NKAIN2: variants seen among roughly 807,000 people sequenced by gnomAD.
The protein encoded by NKAIN2 is sodium/potassium transporting ATPase interacting 2.
Under a neutral mutation model 32.6 loss-of-function variants are expected in NKAIN2, and 14 were observed. The ratio of observed to expected loss-of-function variants is 0.43; its 90% confidence interval spans 0.28 to 0.67. The LOEUF (loss-of-function observed/expected upper bound fraction) is 0.67, where lower values mean the gene tolerates loss of function less well. Ranked by LOEUF, NKAIN2 falls within the 30% of genes least tolerant of loss-of-function variation. The pLI, the probability that NKAIN2 is intolerant of heterozygous loss-of-function variation, is 0.17. For synonymous variants in NKAIN2, 80 were observed against 87.2 expected (o/e 0.92, Z 0.46); for missense variants, 198 against 258.3 (o/e 0.77, Z 1.60).
At chr6:124,317,052 C>G (rs954326754) in intron 2 of NKAIN2, among the ~76,000 whole-genome samples, 15 of 152,068 alleles carry the variant, frequency 9.9e-5, no homozygotes, top group African/African-American at 3.4e-4. Context: ...ATAGTCCCAG[C>G]TGCTCTGGAG....
At chr6:124,731,991 C>A (rs1429312547) in intron 4 of NKAIN2, among the ~76,000 whole-genome samples, 1 of 152,048 alleles carries the variant, frequency 6.6e-6, no homozygotes, top group East Asian at 1.9e-4. Flanking sequence ...ATAAATGGAT[C>A]TCAGGCAAGA....
intron 2 of NKAIN2, among the ~76,000 whole-genome samples, chr6:124,310,786 A>G (rs17051651): frequency 0.013 from 1,954 of 152,224 alleles, 41 homozygotes; most frequent in African/African-American, 0.044. Context: ...TTGACCAGAT[A>G]TGTTCAGAAT....
intron 3 of NKAIN2, among the ~76,000 whole-genome samples, chr6:124,486,218 G>A (rs553867104): frequency 1.3e-5 from 2 of 152,244 alleles, no homozygotes; most frequent in South Asian, 2.1e-4. Context: ...TGAAAGAAAC[G>A]TGACGTCTGT....
intron 2 of NKAIN2, among the ~76,000 whole-genome samples, chr6:124,301,600 C>G (rs1374733080): frequency 6.6e-6 from 1 of 152,200 alleles, no homozygotes; most frequent in African/African-American, 2.4e-5. Flanking sequence ...TGCAAAGCCA[C>G]AGGGTCAGAG....
intron 3 of NKAIN2, among the ~76,000 whole-genome samples, chr6:124,534,311 C>T (rs1396481315): frequency 6.6e-6 from 1 of 152,018 alleles, no homozygotes; most frequent in African/African-American, 2.4e-5. Flanking sequence ...CCACCACAAC[C>T]AGCTAATTGT....
chr6:123,869,780 G>T (rs953073861), intron 1 of NKAIN2, among the ~76,000 whole-genome samples: 1 of 152,132 alleles, frequency 6.6e-6, no homozygotes, highest in Non-Finnish European at 1.5e-5. Context: ...TTTACTTATG[G>T]TTGGTTATCA....
chr6:124,315,399 G>A (rs923254859), intron 2 of NKAIN2, among the ~76,000 whole-genome samples: 1 of 151,976 alleles, frequency 6.6e-6, no homozygotes, highest in African/African-American at 2.4e-5. Flanking sequence ...GGTAGTGAAT[G>A]CACTTTAAAA....
In NKAIN2 at chr6:123,836,658, CATT is replaced by C. The variant is rs2114925540; in HGVS notation, c.54+32406_54+32408del. The stretch of plus-strand genomic sequence containing the variant: ...ATCCTGGACCAAAAAAAAAAGGTGA[CATT>C]AGTGGAAAACACGGTGAAATCTGAA... On this transcript the variant is annotated intron_variant, in intron 1 of 6. Coordinates refer to ENST00000368417, the MANE Select transcript of NKAIN2 (RefSeq NM_001040214.3). Among the ~76,000 whole-genome samples, 3 of 150,698 alleles carry C rather than the reference CATT, an allele frequency of 2.0e-5. No homozygotes were observed. The South Asian group carries it at 6.3e-4, about 32-fold the overall frequency.
chr6:124,800,932 G>A (rs974411345), intron 5 of NKAIN2, among the ~76,000 whole-genome samples: 7 of 152,124 alleles, frequency 4.6e-5, no homozygotes, highest in African/African-American at 1.7e-4. Context: ...ATGAAAATTG[G>A]ATATGGATTG....
chr6:124,260,588 G>A (rs1235353549), intron 1 of NKAIN2, among the ~76,000 whole-genome samples: 5 of 152,166 alleles, frequency 3.3e-5, no homozygotes, highest in Non-Finnish European at 7.3e-5. Flanking sequence ...AGAGGTACAG[G>A]AGAGAAGGGG....
chr6:124,654,172 A>G (rs942960253), intron 3 of NKAIN2, among the ~76,000 whole-genome samples: 3 of 152,192 alleles, frequency 2.0e-5, no homozygotes, highest in African/African-American at 7.2e-5. Flanking sequence ...AAATACTTAA[A>G]GAAACAGTTA....
chr6:124,419,628 A>G (rs190440811), intron 3 of NKAIN2, among the ~76,000 whole-genome samples: 49 of 152,270 alleles, frequency 3.2e-4, no homozygotes, highest in African/African-American at 1.2e-3. Context: ...GAAAGCAACA[A>G]GTTCATAGTC....
chr6:124,655,834 A>C (rs1391289787), intron 3 of NKAIN2, among the ~76,000 whole-genome samples: 1 of 152,320 alleles, frequency 6.6e-6, no homozygotes, highest in African/African-American at 2.4e-5. Flanking sequence ...CCAAGTTCTA[A>C]GTCTCAGAAA....
intron 1 of NKAIN2, among the ~76,000 whole-genome samples, chr6:123,912,728 T>C (rs1389307576): frequency 6.6e-6 from 1 of 152,154 alleles, no homozygotes; most frequent in Non-Finnish European, 1.5e-5. Context: ...TCACCAGAAG[T>C]AGATGCTGGC....
At chr6:124,271,505 C>CGGT (rs1192975750) in intron 1 of NKAIN2, among the ~76,000 whole-genome samples, 1 of 152,180 alleles carries the variant, frequency 6.6e-6, no homozygotes, top group Non-Finnish European at 1.5e-5. Context: ...CGTGAGCCAC[C>CGGT]ATACCCGGCC....
At position 124,331,345 on chromosome 6, in the gene NKAIN2, C is replaced by CAAAAAAAAA. The variant is rs1162529828; in HGVS notation, c.193-23896_193-23888dup. Among the ~76,000 whole-genome samples the CAAAAAAAAA allele has an allele frequency of 7.5e-3, 156 of 20,828 alleles. 9 individuals carry two copies. The highest frequency in any genetic ancestry group is 0.011 in the East Asian group (6 of 562). The allele number at this position is 20,828 out of a possible 152,430, so 13.7% of individuals were successfully genotyped here. A position where few individuals can be genotyped will look rare whatever the true frequency, so the allele number is the denominator to read the frequency against. ...TGAAACCCTGTCTCTACTAAATATA[C>CAAAAAAAAA]AAAAAAAAAAAAAAAAAAAAAAAAA... On this transcript the variant is annotated intron_variant, in intron 2 of 6. Transcript: ENST00000368417.
At chr6:124,557,392 A>G (rs1471641915) in intron 3 of NKAIN2, among the ~76,000 whole-genome samples, 2 of 152,190 alleles carry the variant, frequency 1.3e-5, no homozygotes, top group African/African-American at 4.8e-5. Context: ...GCCCTGCGCT[A>G]AAAAGGCACA....
intron 3 of NKAIN2, among the ~76,000 whole-genome samples, chr6:124,468,607 T>C (rs1439025732): frequency 6.6e-6 from 1 of 152,184 alleles, no homozygotes; most frequent in African/African-American, 2.4e-5. Context: ...TGCACATATA[T>C]TTAGACTTTT....
At chr6:123,936,497 A>G in intron 1 of NKAIN2, among the ~76,000 whole-genome samples, 1 of 152,182 alleles carries the variant, frequency 6.6e-6, no homozygotes, top group East Asian at 1.9e-4. Flanking sequence ...TGCCACAGGA[A>G]GAAAGCAGCC....
Sources: allele counts gnomAD v4.1 joint callset (sites outside exome capture counted in the v4.1 genomes callset), GRCh38; gene constraint gnomAD v4.1.1; transcripts MANE v1.5; gene names NCBI Gene and HGNC (gene_info 2026-07-23, HGNC 2026-07-21).